CCSER1: variants seen among roughly 807,000 people sequenced by gnomAD.
The protein encoded by CCSER1 is coiled-coil serine rich protein 1, also known as serine-rich coiled-coil domain-containing protein 1.
In CCSER1, 41 loss-of-function variants were observed where a neutral mutation model predicts 82.0. The ratio of observed to expected loss-of-function variants is 0.50; its 90% confidence interval spans 0.39 to 0.65. CCSER1 has a LOEUF of 0.65. Among genes scored for constraint, CCSER1 ranks in the 30% least tolerant of loss-of-function variants. The pLI, the probability that CCSER1 is intolerant of heterozygous loss-of-function variation, is 0.00. For synonymous variants in CCSER1, 414 were observed against 383.9 expected, an observed-to-expected ratio of 1.08 and a Z score of -0.92; for missense variants, 1,119 against 1,064.2, an observed-to-expected ratio of 1.05 and a Z score of -0.72.
chr4:91,311,375 A>G (rs1468476891), intron 10 of CCSER1, among the ~76,000 whole-genome samples: 6 of 151,954 alleles, frequency 3.9e-5, no homozygotes, highest in Non-Finnish European at 7.4e-5. Context: ...TTCTCCTGCC[A>G]GAAAAGTACT....
chr4:91,182,941 CCAGGTAATGCTG>C (rs1734179886), intron 10 of CCSER1, among the ~76,000 whole-genome samples: 1 of 152,206 alleles, frequency 6.6e-6, no homozygotes, highest in African/African-American at 2.4e-5. Context: ...TAGCTTCTTT[CCAGGTAATGCTG>C]TATCTGTGTT....
At chr4:91,348,913 ATTT>A in intron 10 of CCSER1, among the ~76,000 whole-genome samples, 1 of 151,886 alleles carries the variant, frequency 6.6e-6, no homozygotes, top group Non-Finnish European at 1.5e-5. Context: ...TAATTAATTT[ATTT>A]ATTTATTTTT....
chr4:91,138,655 C>T (rs946191404), intron 10 of CCSER1, among the ~76,000 whole-genome samples: 2 of 113,450 alleles, frequency 1.8e-5, no homozygotes, highest in Non-Finnish European at 3.6e-5. Context: ...AGGCAACCTA[C>T]AACATGGGAG....
intron 10 of CCSER1, among the ~76,000 whole-genome samples, chr4:91,448,556 G>A (rs1161035712): frequency 6.6e-6 from 1 of 151,982 alleles, no homozygotes; most frequent in Non-Finnish European, 1.5e-5. Context: ...AGTGTTAAGA[G>A]TGTTTCTATA....
At chr4:91,285,642 G>A (rs1310360314) in intron 10 of CCSER1, among the ~76,000 whole-genome samples, 3 of 151,930 alleles carry the variant, frequency 2.0e-5, no homozygotes, top group East Asian at 3.9e-4. Context: ...TTACCAATAT[G>A]TACCACGATA....
chr4:90,588,019 A>G (rs1402501156), intron 5 of CCSER1, among the ~76,000 whole-genome samples: 1 of 152,242 alleles, frequency 6.6e-6, no homozygotes, highest in Admixed American at 6.5e-5. Flanking sequence ...TATGTCTAAA[A>G]AAGTCCATAC....
intron 7 of CCSER1, among the ~76,000 whole-genome samples, chr4:90,791,832 A>C (rs1840306): frequency 0.081 from 10,554 of 130,580 alleles, 903 homozygotes; most frequent in African/African-American, 0.22. Context: ...AAAAAAAAAA[A>C]ACACACACAC....
chr4:91,444,327 G>T (rs1755410327), intron 10 of CCSER1, among the ~76,000 whole-genome samples: 1 of 152,128 alleles, frequency 6.6e-6, no homozygotes, highest in African/African-American at 2.4e-5. Context: ...ACTTACTACT[G>T]CATATTTTAT....
chr4:91,330,799 T>A (rs1746898049), intron 10 of CCSER1, among the ~76,000 whole-genome samples: 1 of 152,100 alleles, frequency 6.6e-6, no homozygotes, highest in African/African-American at 2.4e-5. Context: ...TTATCTGAGG[T>A]TTTGCTTTTC....
chr4:91,176,468 C>G (rs982115847), intron 10 of CCSER1, among the ~76,000 whole-genome samples: 83 of 152,204 alleles, frequency 5.5e-4, no homozygotes, highest in Admixed American at 6.5e-4. Flanking sequence ...ATGTAACATT[C>G]TTCCATTTGT....
intron 10 of CCSER1, among the ~76,000 whole-genome samples, chr4:91,244,828 G>A (rs1739637204): frequency 6.6e-6 from 1 of 152,094 alleles, no homozygotes; most frequent in African/African-American, 2.4e-5. Context: ...AGAGATAAAT[G>A]ACCTTTAAGA....
At chr4:90,933,697 T>C (rs936090772) in intron 9 of CCSER1, among the ~76,000 whole-genome samples, 1 of 151,978 alleles carries the variant, frequency 6.6e-6, no homozygotes, top group African/African-American at 2.4e-5. Context: ...AAGTTTTTTT[T>C]TTTCTCCACT....
chr4:91,334,360 C>G (rs1747173444), intron 10 of CCSER1, among the ~76,000 whole-genome samples: 1 of 151,910 alleles, frequency 6.6e-6, no homozygotes, highest in Admixed American at 6.6e-5. Flanking sequence ...ATTTTATATC[C>G]CTAACATTTT....
intron 1 of CCSER1, among the ~76,000 whole-genome samples, chr4:90,171,161 C>A (rs1731590686): frequency 7.0e-6 from 1 of 143,382 alleles, no homozygotes; most frequent in African/African-American, 2.7e-5. Context: ...AAAAAAAAGT[C>A]TTGTGGGCAG....
At chr4:90,710,478 C>T (rs1740363312) in intron 6 of CCSER1, among the ~76,000 whole-genome samples, 1 of 152,094 alleles carries the variant, frequency 6.6e-6, no homozygotes, top group African/African-American at 2.4e-5. Flanking sequence ...ATATGTAAGT[C>T]TTTAATTCCT....
intron 4 of CCSER1, among the ~76,000 whole-genome samples, chr4:90,460,840 TAAAG>T (rs1271500940): frequency 8.5e-5 from 13 of 152,148 alleles, no homozygotes; most frequent in East Asian, 3.8e-4. Context: ...TTCATCTTAA[TAAAG>T]AAAATAAGTA....
intron 10 of CCSER1, among the ~76,000 whole-genome samples, chr4:91,537,250 A>G (rs931267536): frequency 6.6e-6 from 1 of 152,116 alleles, no homozygotes; most frequent in Admixed American, 6.6e-5. Flanking sequence ...TCACACAGCT[A>G]GTATAATAAG....
intron 6 of CCSER1, among the ~76,000 whole-genome samples, chr4:90,668,828 A>G (rs1366096856): frequency 6.6e-6 from 1 of 152,152 alleles, no homozygotes; most frequent in East Asian, 1.9e-4. Context: ...CTGGTTATTT[A>G]AAACAATTGA....
intron 10 of CCSER1, among the ~76,000 whole-genome samples, chr4:91,383,554 T>A (rs1426630021): frequency 6.6e-6 from 1 of 152,108 alleles, no homozygotes; most frequent in Non-Finnish European, 1.5e-5. Context: ...CTTTAAGAGT[T>A]TAGGATAAAT....
Sources: gnomAD v4.1 joint callset for allele counts (sites outside exome capture counted in the v4.1 genomes callset) on GRCh38, gnomAD v4.1.1 for gene constraint, MANE v1.5 for transcripts, NCBI Gene and HGNC (gene_info 2026-07-23, HGNC 2026-07-21) for gene names.